The following WDFY4 variants were observed in gnomAD, a reference collection of about 807,000 sequenced individuals.
WDFY4 encodes WD repeat- and FYVE domain-containing protein 4.
Under a neutral mutation model 351.9 loss-of-function variants are expected in WDFY4, and 169 were observed. The observed-to-expected ratio is 0.48, with a 90% CI of 0.42 to 0.55. WDFY4 has a LOEUF of 0.55. Among genes scored for constraint, WDFY4 ranks in the 20% least tolerant of loss-of-function variants. WDFY4 has a pLI of 0.00. For missense variants in WDFY4, 3,803 were observed against 3,935.6 expected, an observed-to-expected ratio of 0.97 and a Z score of 0.90; for synonymous variants, 1,622 against 1,574.6, an observed-to-expected ratio of 1.03 and a Z score of -0.71.
chr10:48,853,835 T>TTG (rs2069037937), intron 39 of WDFY4, among the ~76,000 whole-genome samples: 1 of 152,218 alleles, frequency 6.6e-6, no homozygotes, highest in African/African-American at 2.4e-5. Flanking sequence ...AGCTCATAGC[T>TTG]ATCTGTCTGT....
chr10:48,933,366 C>T (rs1407830642), intron 47 of WDFY4, among the ~76,000 whole-genome samples: 1 of 152,206 alleles, frequency 6.6e-6, no homozygotes, highest in East Asian at 1.9e-4. Context: ...AAGGCGCATG[C>T]CTCGACTGGA....
intron 47 of WDFY4, chr10:48,913,637 G>A (rs1263240734): frequency 7.4e-6 from 12 of 1,614,038 alleles, no homozygotes; most frequent in Non-Finnish European, 1.0e-5. Flanking sequence ...TCCGCTTTAT[G>A]TTGAGCTTTT....
At chr10:48,787,834 TTC>T (rs2066464127) in intron 20 of WDFY4, among the ~76,000 whole-genome samples, 2 of 139,212 alleles carry the variant, frequency 1.4e-5, no homozygotes, top group African/African-American at 6.4e-5. Context: ...CTTCTTCTTC[TTC>T]TTCTTCTTCT....
intron 25 of WDFY4, 37 bp from the exon 26 acceptor site, chr10:48,805,223 G>C (rs1589653463): frequency 6.6e-7 from 1 of 1,522,762 alleles, no homozygotes; most frequent in East Asian, 2.5e-5. Flanking sequence ...GTTCATTCCA[G>C]TAAAAGCTTT....
At chr10:48,899,060 T>A (rs1370240403) in intron 45 of WDFY4, among the ~76,000 whole-genome samples, 1 of 150,942 alleles carries the variant, frequency 6.6e-6, no homozygotes, top group Non-Finnish European at 1.5e-5. Context: ...CAGATAGGTA[T>A]CAGTCAGTGG....
At chr10:48,774,906 C>T (rs2065979421) in intron 14 of WDFY4, among the ~76,000 whole-genome samples, 1 of 152,020 alleles carries the variant, frequency 6.6e-6, no homozygotes, top group South Asian at 2.1e-4. Flanking sequence ...CTGGAGGGGG[C>T]TCCAAGGAAG....
intron 53 of WDFY4, among the ~76,000 whole-genome samples, chr10:48,962,471 G>A (rs1371774980): frequency 6.6e-6 from 1 of 152,210 alleles, no homozygotes; most frequent in Non-Finnish European, 1.5e-5. Context: ...GTTCTATTCA[G>A]TAGAAACAGG....
At chr10:48,762,589 A>G (rs2065542533) in intron 13 of WDFY4, among the ~76,000 whole-genome samples, 1 of 152,228 alleles carries the variant, frequency 6.6e-6, no homozygotes, top group Non-Finnish European at 1.5e-5. Flanking sequence ...TGAACCTCCC[A>G]GGATGACCTC....
intron 2 of WDFY4, among the ~76,000 whole-genome samples, chr10:48,711,084 A>T (rs1027113350): frequency 6.6e-6 from 1 of 152,220 alleles, no homozygotes; most frequent in Non-Finnish European, 1.5e-5. Context: ...AGGCTTTGGC[A>T]TGTTTTCACT....
intron 43 of WDFY4, 139 bp from the exon 44 acceptor site, chr10:48,890,440 G>A: frequency 2.9e-6 from 3 of 1,033,664 alleles, no homozygotes; most frequent in Non-Finnish European, 4.3e-6. Flanking sequence ...TCCTGGGACA[G>A]CGGGACTGCC....
At chr10:48,963,241 T>C (rs1396394315) in intron 53 of WDFY4, among the ~76,000 whole-genome samples, 2 of 152,206 alleles carry the variant, frequency 1.3e-5, no homozygotes, top group Non-Finnish European at 2.9e-5. Context: ...CTTAGTGAAA[T>C]CACCTAACTC....
At chr10:48,825,366 A>C (rs2067958900) in intron 35 of WDFY4, among the ~76,000 whole-genome samples, 1 of 152,168 alleles carries the variant, frequency 6.6e-6, no homozygotes, top group Admixed American at 6.5e-5. Flanking sequence ...TCATTGATAG[A>C]CATTTGGGTT....
At chr10:48,924,114 G>C (rs1171422981) in intron 47 of WDFY4, among the ~76,000 whole-genome samples, 2 of 152,236 alleles carry the variant, frequency 1.3e-5, no homozygotes, top group Non-Finnish European at 2.9e-5. Flanking sequence ...GTGAGGGCTG[G>C]CTAGGATAAT....
At chr10:48,957,526 T>A (rs1407778365) in intron 52 of WDFY4, among the ~76,000 whole-genome samples, 1 of 152,144 alleles carries the variant, frequency 6.6e-6, no homozygotes, top group Non-Finnish European at 1.5e-5. Context: ...CCTCCGAGGG[T>A]CCCAGGTCTC....
At chr10:48,849,865 A>G (rs1369466696) in intron 39 of WDFY4, among the ~76,000 whole-genome samples, 1 of 152,220 alleles carries the variant, frequency 6.6e-6, no homozygotes, top group African/African-American at 2.4e-5. Flanking sequence ...ACATATAGTT[A>G]TCTTATCTCC....
chr10:48,708,909 T>G (rs999095896), intron 1 of WDFY4, among the ~76,000 whole-genome samples: 1 of 152,192 alleles, frequency 6.6e-6, no homozygotes, highest in Non-Finnish European at 1.5e-5. Context: ...TAGAATTATG[T>G]GCCTCTACAA....
intron 44 of WDFY4, among the ~76,000 whole-genome samples, chr10:48,893,161 T>A (rs1836899488): frequency 6.6e-6 from 1 of 152,254 alleles, no homozygotes. Flanking sequence ...GATGCATTGA[T>A]TCAGGCACCT....
intron 47 of WDFY4, among the ~76,000 whole-genome samples, chr10:48,932,962 G>A (rs909059545): frequency 2.6e-5 from 4 of 152,116 alleles, no homozygotes; most frequent in East Asian, 1.9e-4. Context: ...GTGCAAGGTG[G>A]GCCATGTGCT....
intron 44 of WDFY4, among the ~76,000 whole-genome samples, chr10:48,896,311 G>C (rs1445383445): frequency 6.6e-6 from 1 of 152,204 alleles, no homozygotes; most frequent in Non-Finnish European, 1.5e-5. Flanking sequence ...ACCTTGACCT[G>C]GGATGTGGTT....
Sources: gnomAD v4.1 joint callset for allele counts (sites outside exome capture counted in the v4.1 genomes callset) on GRCh38, gnomAD v4.1.1 for gene constraint, MANE v1.5 for transcripts, NCBI Gene and HGNC (gene_info 2026-07-23, HGNC 2026-07-21) for gene names.